ZNHIT3: variants seen among roughly 807,000 people sequenced by gnomAD.
ZNHIT3 encodes zinc finger HIT domain-containing protein 3.
ZNHIT3 carries 27 observed loss-of-function variants against 19.9 expected under a neutral mutation model. The ratio of observed to expected loss-of-function variants is 1.36; its 90% CI spans 1.00 to 1.87. The LOEUF is 1.87. ZNHIT3 is among the 40% of genes most tolerant of loss of function. ZNHIT3 has a pLI of 0.00. For synonymous variants in ZNHIT3, 81 were observed against 65.7 expected (o/e 1.23, Z -1.13); for missense variants, 215 against 185.6 (o/e 1.16, Z -0.92).
chr17:36,498,558 A>T (rs780521657), downstream of ZNHIT3: 3 of 1,606,502 alleles, frequency 1.9e-6, no homozygotes, highest in East Asian at 6.7e-5. Context: ...GGCCATTCTG[A>T]TCTTAAAAAG....
chr17:36,487,234 C>CT (rs1321049548), intron 2 of ZNHIT3, among the ~76,000 whole-genome samples: 2 of 152,130 alleles, frequency 1.3e-5, no homozygotes, highest in Non-Finnish European at 2.9e-5. Flanking sequence ...GCGTGTTACT[C>CT]TTTTTTGCTT....
chr17:36,488,416 G>A (rs1174833073), intron 2 of ZNHIT3, among the ~76,000 whole-genome samples: 2 of 151,754 alleles, frequency 1.3e-5, no homozygotes, highest in African/African-American at 4.8e-5. Flanking sequence ...GTGGAGGTGC[G>A]CGCCTGTAAT....
At chr17:36,495,101 A>T in intron 4 of ZNHIT3, 122 bp from the exon 5 acceptor site, 1 of 1,238,234 alleles carries the variant, frequency 8.1e-7, no homozygotes. Context: ...CTGGTATTAC[A>T]GGCATGAGCC....
intron 2 of ZNHIT3, chr17:36,491,769 G>T (rs1296640144): frequency 3.9e-5 from 6 of 152,048 alleles, no homozygotes; most frequent in African/African-American, 1.5e-4. Flanking sequence ...GTATTTTGGG[G>T]TCAGGTACAA....
At chr17:36,493,641 G>C (rs1411779799) in intron 3 of ZNHIT3, among the ~76,000 whole-genome samples, 1 of 152,216 alleles carries the variant, frequency 6.6e-6, no homozygotes, top group African/African-American at 2.4e-5. Context: ...GACAACCGGG[G>C]TCTAAGCCTA....
At chr17:36,496,030 G>T, downstream of ZNHIT3, 1 of 783,088 alleles carries the variant, frequency 1.3e-6, no homozygotes, top group South Asian at 2.6e-5. Flanking sequence ...ACCCTGATTT[G>T]GTAACTACCA....
In ZNHIT3 at chr17:36,492,832, T is replaced by C; in HGVS notation, c.138T>C (p.Thr46=). Residue 46 remains threonine, a synonymous_variant, in exon 3 of 5, where the codon ACT becomes ACC. Transcript: ENST00000617429. ...TTTCAGAACAGTGCAACCCTGAAAC[T>C]CGTCCTGTTGAGAAAAAAATAAGAT... ...RKHKEQCNPE[T]RPVEKKIRSA... 1 of 1,614,132 alleles carries C rather than the reference T, an allele frequency of 6.2e-7. No homozygotes were observed. The highest frequency in any genetic ancestry group is 8.5e-7 in the Non-Finnish European group (1 of 1,180,010).
chr17:36,492,904 G>A lies in ZNHIT3; in HGVS notation c.205+5G>A. ...TAAAGCCTGTGGAAAACAAAGGTGG[G>A]TTGGTTGACTTCAAACAAATCTACA... On this transcript the variant is annotated splice_donor_5th_base_variant and intron_variant, in intron 3 of 4. Coordinates refer to ENST00000617429, the MANE Select transcript of ZNHIT3 (RefSeq NM_004773.4). 1 of 1,614,044 alleles carries A rather than the reference G, an allele frequency of 6.2e-7. No homozygotes were observed. The highest frequency in any genetic ancestry group is 8.5e-7 in the Non-Finnish European group (1 of 1,179,906).
intron 3 of ZNHIT3, 81 bp from the exon 4 acceptor site, chr17:36,493,845 A>T: frequency 2.1e-6 from 2 of 950,642 alleles, no homozygotes. Context: ...ACACATTTTT[A>T]TCCTGTTCAA....
chr17:36,498,014 TAGA>T (rs2071160043), downstream of ZNHIT3: 1 of 501,712 alleles, frequency 2.0e-6, no homozygotes, highest in African/African-American at 1.9e-5. Context: ...GAAATGGGAC[TAGA>T]AGATTTAGAG....
intron 2 of ZNHIT3, 76 bp downstream of exon 2, chr17:36,487,042 G>A: frequency 4.5e-6 from 7 of 1,571,440 alleles, no homozygotes; most frequent in African/African-American, 2.7e-5. Context: ...TCTTGGGGGC[G>A]TGGACCCTTG....
At position 36,486,693 on chromosome 17, in the gene ZNHIT3, C is replaced by G; in HGVS notation, c.-7C>G. On this transcript the variant is annotated 5_prime_UTR_variant, in exon 1 of 5. Transcript: ENST00000617429. Reference sequence around the variant, plus strand: ...CGGCGCAGTGAACAGTCTCCTTCCACAAAACCATGGCGTCGCTCAAATGTA... The same window carrying G: ...CGGCGCAGTGAACAGTCTCCTTCCAGAAAACCATGGCGTCGCTCAAATGTA... The G allele has an allele frequency of 1.9e-6, 3 of 1,613,846 alleles. No homozygotes were observed. Among genetic ancestry groups the G allele is most frequent in the Non-Finnish European group, 2.5e-6 (3 of 1,179,862 alleles).
intron 2 of ZNHIT3, 127 bp downstream of exon 2, chr17:36,487,093 G>A (rs1215203789): frequency 3.1e-6 from 4 of 1,307,420 alleles, no homozygotes; most frequent in East Asian, 5.1e-5. Context: ...CGCGGGTTCT[G>A]CAGGAACCTT....
chr17:36,498,217 CCTG>C, downstream of ZNHIT3: 2 of 1,573,278 alleles, frequency 1.3e-6, no homozygotes, highest in African/African-American at 1.3e-5. Flanking sequence ...AGGCTTTGCT[CCTG>C]CTGTTCTCAG....
At chr17:36,490,865 C>T (rs2070710213) in intron 2 of ZNHIT3, 1 of 152,192 alleles carries the variant, frequency 6.6e-6, no homozygotes, top group Admixed American at 6.5e-5. Context: ...TGCTCTGTCA[C>T]CCAGGCTGGA....
intron 2 of ZNHIT3, among the ~76,000 whole-genome samples, chr17:36,487,648 G>T (rs937838709): frequency 6.6e-6 from 1 of 151,676 alleles, no homozygotes; most frequent in African/African-American, 2.4e-5. Context: ...ACAAAAATTA[G>T]GCGGGCGAGG....
downstream of ZNHIT3, among the ~76,000 whole-genome samples, chr17:36,496,571 G>C (rs990628787): frequency 6.6e-6 from 1 of 152,166 alleles, no homozygotes; most frequent in African/African-American, 2.4e-5. Flanking sequence ...GTGTGAGACA[G>C]ATGAGGAAAC....
chr17:36,489,002 T>A (rs1467235792), intron 2 of ZNHIT3, among the ~76,000 whole-genome samples: 1 of 152,242 alleles, frequency 6.6e-6, no homozygotes, highest in Admixed American at 6.5e-5. Flanking sequence ...CAGTTACCAC[T>A]ATTCTGCTCT....
downstream of ZNHIT3, chr17:36,498,234 C>A: frequency 6.3e-7 from 1 of 1,589,814 alleles, no homozygotes; most frequent in South Asian, 1.1e-5. Context: ...TTCTCAGGAA[C>A]AAAGCTGTCA....
Sources: allele counts gnomAD v4.1 joint callset (sites outside exome capture counted in the v4.1 genomes callset), GRCh38; gene constraint gnomAD v4.1.1; transcripts MANE v1.5; gene names NCBI Gene and HGNC (gene_info 2026-07-23, HGNC 2026-07-21).